The following PRKD1 variants were observed in gnomAD, a reference collection of about 807,000 sequenced individuals.
PRKD1 encodes the protein serine/threonine-protein kinase D1.
PRKD1 carries 63 observed loss-of-function variants against 95.9 expected under a neutral mutation model. The observed-to-expected ratio is 0.66, with a 90% CI of 0.54 to 0.81. The LOEUF is 0.81. Ranked by LOEUF, PRKD1 falls within the 30% of genes least tolerant of loss-of-function variation. The pLI is 0.00. For synonymous variants in PRKD1, 425 were observed against 423.1 expected (o/e 1.00, Z -0.05); for missense variants, 1,048 against 1,165.3 (o/e 0.90, Z 1.47).
chr14:29,587,674 T>A (rs1015516003), intron 16 of PRKD1, among the ~76,000 whole-genome samples: 1 of 152,336 alleles, frequency 6.6e-6, no homozygotes, highest in African/African-American at 2.4e-5. Flanking sequence ...TAATGGGACA[T>A]GCTTTGCAGA....
chr14:29,611,047 T>A (rs1306244473), intron 13 of PRKD1, among the ~76,000 whole-genome samples: 1 of 152,218 alleles, frequency 6.6e-6, no homozygotes, highest in African/African-American at 2.4e-5. Flanking sequence ...AGGAAAATAC[T>A]CTGTATGATA....
At chr14:29,826,684 TAC>T (rs1318772213) in intron 1 of PRKD1, among the ~76,000 whole-genome samples, 842 of 47,926 alleles carry the variant, frequency 0.018, 43 homozygotes, top group Admixed American at 0.048. Flanking sequence ...TATATATATA[TAC>T]ACACATATAT....
intron 2 of PRKD1, among the ~76,000 whole-genome samples, chr14:29,712,864 G>A (rs1028414833): frequency 2.6e-5 from 4 of 152,148 alleles, no homozygotes; most frequent in Non-Finnish European, 5.9e-5. Context: ...TTATTGAACT[G>A]AAGTGCTATG....
At chr14:29,792,082 C>G (rs1353826066) in intron 1 of PRKD1, among the ~76,000 whole-genome samples, 2 of 152,056 alleles carry the variant, frequency 1.3e-5, no homozygotes, top group East Asian at 3.9e-4. Flanking sequence ...GACATATAAT[C>G]CCATGTGATA....
At chr14:29,855,007 G>A (rs890705003) in intron 1 of PRKD1, among the ~76,000 whole-genome samples, 1 of 152,222 alleles carries the variant, frequency 6.6e-6, no homozygotes, top group African/African-American at 2.4e-5. Flanking sequence ...AAAGACGCCT[G>A]GATGCCCAGG....
intron 1 of PRKD1, among the ~76,000 whole-genome samples, chr14:29,849,576 AC>A (rs199534573): frequency 0.048 from 6,704 of 140,998 alleles, 211 homozygotes; most frequent in East Asian, 0.12. Context: ...AACAACAACA[AC>A]AAAAAAAAAA....
chr14:29,577,031 T>C lies in PRKD1; in HGVS notation c.*207A>G, dbSNP rs897744070. The C allele has an allele frequency of 3.0e-5, 18 of 601,738 alleles. No individual in the cohort carries two copies. Among genetic ancestry groups the C allele is most frequent in the Non-Finnish European group, 5.2e-5 (18 of 343,668 alleles). 37.3% of individuals were successfully genotyped at this position (601,738 alleles called of 1,614,324 possible). On this transcript the variant is annotated 3_prime_UTR_variant, in exon 18 of 18. Coordinates refer to ENST00000331968, the MANE Select transcript of PRKD1 (RefSeq NM_002742.3). ...ACAAGTTTCGTGTTTCAGGGAACTTTTGTTAATACAACACAGTTGGTCACA... is the reference window on the plus strand; with the variant it reads ...ACAAGTTTCGTGTTTCAGGGAACTTCTGTTAATACAACACAGTTGGTCACA...
At chr14:29,701,092 C>A (rs1443120698) in intron 2 of PRKD1, among the ~76,000 whole-genome samples, 1 of 152,156 alleles carries the variant, frequency 6.6e-6, no homozygotes, top group African/African-American at 2.4e-5. Context: ...TTGAGGCCCA[C>A]AATGTCTACT....
chr14:29,587,525 TA>T (rs1248758384), intron 16 of PRKD1, among the ~76,000 whole-genome samples: 1 of 152,152 alleles, frequency 6.6e-6, no homozygotes, highest in Non-Finnish European at 1.5e-5. Flanking sequence ...GAATGGCAAA[TA>T]AACAGCCAAT....
chr14:29,662,526 G>C (rs924659374), intron 4 of PRKD1, among the ~76,000 whole-genome samples: 2 of 151,940 alleles, frequency 1.3e-5, no homozygotes, highest in Non-Finnish European at 2.9e-5. Context: ...TCTCCAACTA[G>C]GTTCACTTAG....
chr14:29,687,411 T>C (rs963150509), intron 2 of PRKD1, among the ~76,000 whole-genome samples: 1 of 152,170 alleles, frequency 6.6e-6, no homozygotes, highest in South Asian at 2.1e-4. Flanking sequence ...TATATACTTA[T>C]CTCTTCACAG....
intron 1 of PRKD1, among the ~76,000 whole-genome samples, chr14:29,790,754 A>G (rs978218208): frequency 1.3e-5 from 2 of 152,254 alleles, no homozygotes; most frequent in Non-Finnish European, 2.9e-5. Flanking sequence ...ATTCACTCAC[A>G]GAACAAACAG....
chr14:29,684,574 C>T (rs528152606), intron 2 of PRKD1, among the ~76,000 whole-genome samples: 12 of 152,256 alleles, frequency 7.9e-5, no homozygotes, highest in African/African-American at 2.9e-4. Flanking sequence ...TGTTTTGAAT[C>T]AACTCATGTC....
chr14:29,834,119 T>C (rs1318138321), intron 1 of PRKD1, among the ~76,000 whole-genome samples: 1 of 152,166 alleles, frequency 6.6e-6, no homozygotes, highest in East Asian at 1.9e-4. Context: ...GAAACTTTAA[T>C]TTGTTTTAAA....
intron 13 of PRKD1, among the ~76,000 whole-genome samples, chr14:29,620,774 C>T (rs541120774): frequency 1.3e-5 from 2 of 152,262 alleles, no homozygotes; most frequent in East Asian, 3.9e-4. Context: ...GTGGCGATTC[C>T]TCAGGGATCT....
rs192887839 is a variant in PRKD1, at chr14:29,786,472, A to G, written c.265-60798T>C. Among the ~76,000 whole-genome samples the G allele has an allele frequency of 4.8e-4, 73 of 152,046 alleles. 3 individuals carry two copies. The East Asian group carries it at 0.012, about 26-fold the overall frequency. ...TCAGCAGTAAAGCCATCAGGTACTG[A>G]GCTTTTCTTTGGTTGGAGACTTTTT... On this transcript the variant is annotated intron_variant, in intron 1 of 17. Coordinates refer to ENST00000331968, the MANE Select transcript of PRKD1 (RefSeq NM_002742.3).
chr14:29,777,523 AACAAAGATCAAAAGAG>A (rs2077108787), intron 1 of PRKD1, among the ~76,000 whole-genome samples: 1 of 152,234 alleles, frequency 6.6e-6, no homozygotes, highest in Admixed American at 6.5e-5. Context: ...ACTTTAAACC[AACAAAGATCAAAAGAG>A]ACAAAGAAGG....
At chr14:29,902,160 G>A (rs1894342275) in intron 1 of PRKD1, among the ~76,000 whole-genome samples, 2 of 151,924 alleles carry the variant, frequency 1.3e-5, no homozygotes, top group South Asian at 4.2e-4. Context: ...TTGGAAGGCT[G>A]AGGCAGGAGA....
chr14:29,763,347 C>CAAGG (rs145217208), intron 1 of PRKD1, among the ~76,000 whole-genome samples: 17 of 88,372 alleles, frequency 1.9e-4, no homozygotes, highest in Admixed American at 4.1e-4. Flanking sequence ...AGGAACGAAG[C>CAAGG]AAGGAAGGAA....
Sources: allele counts gnomAD v4.1 joint callset (sites outside exome capture counted in the v4.1 genomes callset), GRCh38; gene constraint gnomAD v4.1.1; transcripts MANE v1.5; gene names NCBI Gene and HGNC (gene_info 2026-07-23, HGNC 2026-07-21).